Variants in ACOXL observed in about 807,000 individuals in gnomAD.
ACOXL encodes the protein acyl-CoA oxidase like.
Under a neutral mutation model 71.9 loss-of-function variants are expected in ACOXL, and 70 were observed. The observed-to-expected ratio is 0.97, with a 90% confidence interval of 0.80 to 1.19. ACOXL has a LOEUF of 1.19. Ranked by LOEUF, ACOXL falls within the 50% of genes most tolerant of loss-of-function variation. The pLI, the probability that ACOXL is intolerant of heterozygous loss-of-function variation, is 0.00. For synonymous variants in ACOXL, 253 were observed against 281.6 expected, an observed-to-expected ratio of 0.90 and a Z score of 1.02; for missense variants, 703 against 736.3, an observed-to-expected ratio of 0.95 and a Z score of 0.52.
At chr2:110,912,199 A>T (rs894325099) in intron 11 of ACOXL, among the ~76,000 whole-genome samples, 4 of 152,084 alleles carry the variant, frequency 2.6e-5, no homozygotes, top group African/African-American at 9.7e-5. Context: ...TCCCTAAATT[A>T]ATCTGTAGAT....
chr2:110,739,043 C>G (rs1163667811), intron 1 of ACOXL, among the ~76,000 whole-genome samples: 2 of 152,072 alleles, frequency 1.3e-5, no homozygotes, highest in African/African-American at 4.8e-5. Flanking sequence ...TTGAAGTGTT[C>G]CCTTCTATTC....
intron 17 of ACOXL, among the ~76,000 whole-genome samples, chr2:111,104,981 C>T (rs2069437743): frequency 6.6e-6 from 1 of 152,034 alleles, no homozygotes; most frequent in Admixed American, 6.6e-5. Flanking sequence ...AGCCATGATC[C>T]ATTTTTAGTT....
At chr2:110,807,790 G>A (rs1375962911) in intron 9 of ACOXL, among the ~76,000 whole-genome samples, 2 of 152,080 alleles carry the variant, frequency 1.3e-5, no homozygotes, top group African/African-American at 4.8e-5. Flanking sequence ...ATGTTTTCCC[G>A]GCTGAAACCT....
chr2:110,755,770 G>A (rs1409951279), intron 1 of ACOXL, among the ~76,000 whole-genome samples: 1 of 152,112 alleles, frequency 6.6e-6, no homozygotes, highest in African/African-American at 2.4e-5. Context: ...TGAAATAGGT[G>A]TTATTTTAAC....
At chr2:111,041,588 G>A (rs372932463) in intron 15 of ACOXL, among the ~76,000 whole-genome samples, 3 of 151,112 alleles carry the variant, frequency 2.0e-5, no homozygotes, top group Non-Finnish European at 4.4e-5. Flanking sequence ...AGTGGCTGCC[G>A]CCTCTGGCTG....
chr2:110,908,958 T>A, intron 11 of ACOXL, 53 bp downstream of exon 11: 1 of 1,312,784 alleles, frequency 7.6e-7, no homozygotes, highest in Non-Finnish European at 1.1e-6. Context: ...TACCCTGGCA[T>A]GAGTAAGAAT....
intron 10 of ACOXL, among the ~76,000 whole-genome samples, chr2:110,865,978 G>A (rs1694539712): frequency 6.6e-6 from 1 of 151,848 alleles, no homozygotes; most frequent in Non-Finnish European, 1.5e-5. Flanking sequence ...GTGAAGCTCT[G>A]TTTCAATGAC....
chr2:110,913,300 CAT>C (rs1272544821), intron 11 of ACOXL, among the ~76,000 whole-genome samples: 7 of 152,212 alleles, frequency 4.6e-5, no homozygotes, highest in South Asian at 2.1e-4. Flanking sequence ...AAAATGTGCA[CAT>C]GAGTGTTCTT....
At chr2:110,759,990 T>A (rs1164621219) in intron 1 of ACOXL, among the ~76,000 whole-genome samples, 1 of 152,070 alleles carries the variant, frequency 6.6e-6, no homozygotes, top group Non-Finnish European at 1.5e-5. Flanking sequence ...CTTCATGTAT[T>A]TTCTAACTGG....
intron 13 of ACOXL, among the ~76,000 whole-genome samples, chr2:110,990,448 T>C (rs1457333002): frequency 6.6e-6 from 1 of 152,232 alleles, no homozygotes; most frequent in East Asian, 1.9e-4. Context: ...TAGACACTAA[T>C]TTGCAAATTA....
chr2:111,002,110 G>A lies in ACOXL; in HGVS notation c.1281+6106G>A, dbSNP rs142656169. 2.6e-3 allele frequency among the ~76,000 whole-genome samples: 398 copies of A among 152,288 alleles called. 9 individuals are homozygous for A. In the East Asian group the frequency reaches 0.049, roughly 19 times the overall value. The stretch of plus-strand genomic sequence containing the variant: ...GAAACTTATGAATGCACTTGGAAGT[G>A]TTTCCTGTAGCCCTAACCAAAGCTT... On this transcript the variant is annotated intron_variant, in intron 14 of 17. Coordinates refer to ENST00000439055, the MANE Select transcript of ACOXL (RefSeq NM_001142807.4).
chr2:111,014,372 T>G (rs1035225995), intron 14 of ACOXL, among the ~76,000 whole-genome samples: 1 of 152,198 alleles, frequency 6.6e-6, no homozygotes, highest in African/African-American at 2.4e-5. Context: ...ATTTACAATA[T>G]CATCTAAAAA....
chr2:110,801,392 A>T (rs1388667293), intron 7 of ACOXL, among the ~76,000 whole-genome samples: 3 of 152,204 alleles, frequency 2.0e-5, no homozygotes, highest in Non-Finnish European at 2.9e-5. Context: ...TGCCCAAAGC[A>T]TGCACATGCA....
intron 12 of ACOXL, among the ~76,000 whole-genome samples, chr2:110,966,649 G>C (rs149115945): frequency 1.3e-5 from 2 of 152,238 alleles, no homozygotes; most frequent in African/African-American, 4.8e-5. Flanking sequence ...GGATGAAGTG[G>C]GGGAGTTAAT....
At chr2:111,056,794 A>AT (rs2066564183) in intron 16 of ACOXL, among the ~76,000 whole-genome samples, 1 of 151,522 alleles carries the variant, frequency 6.6e-6, no homozygotes, top group South Asian at 2.1e-4. Flanking sequence ...TCTCCAAAAA[A>AT]AAAAAAAAAA....
chr2:110,743,964 CCTT>C (rs937672251), intron 1 of ACOXL, among the ~76,000 whole-genome samples: 7 of 152,354 alleles, frequency 4.6e-5, no homozygotes, highest in African/African-American at 1.7e-4. Context: ...AGGGGGCTCT[CCTT>C]CTGCTGGGTA....
chr2:111,074,551 G>A (rs560015937), intron 16 of ACOXL, among the ~76,000 whole-genome samples: 1 of 150,254 alleles, frequency 6.7e-6, no homozygotes, highest in African/African-American at 2.5e-5. Flanking sequence ...TATGATTATG[G>A]TTTTTTTTTC....
At chr2:110,820,906 G>C (rs1204822189) in intron 9 of ACOXL, among the ~76,000 whole-genome samples, 1 of 152,082 alleles carries the variant, frequency 6.6e-6, no homozygotes, top group Non-Finnish European at 1.5e-5. Flanking sequence ...GGTGTAGGGA[G>C]GGAGACTGGG....
At chr2:111,060,926 A>G (rs1465807656) in intron 16 of ACOXL, among the ~76,000 whole-genome samples, 1 of 152,210 alleles carries the variant, frequency 6.6e-6, no homozygotes, top group Non-Finnish European at 1.5e-5. Flanking sequence ...GAACAGAGGA[A>G]AGAATAAGTG....
Sources: allele counts gnomAD v4.1 joint callset (sites outside exome capture counted in the v4.1 genomes callset), GRCh38; gene constraint gnomAD v4.1.1; transcripts MANE v1.5; gene names NCBI Gene and HGNC (gene_info 2026-07-23, HGNC 2026-07-21).